Variants in STXBP5L observed in about 807,000 individuals in gnomAD.
STXBP5L encodes syntaxin binding protein 5L.
A neutral mutation model predicts 144.5 loss-of-function variants in STXBP5L; 65 were observed. The ratio of observed to expected loss-of-function variants is 0.45; its 90% CI spans 0.37 to 0.55. STXBP5L has a LOEUF of 0.55. Ranked by LOEUF, STXBP5L falls within the 20% of genes least tolerant of loss-of-function variation. The probability of loss-of-function intolerance (pLI) is 0.00; values close to 1 mark genes in which losing one functional copy is unlikely to be tolerated. For missense variants in STXBP5L, 1,298 were observed against 1,405.5 expected, an observed-to-expected ratio of 0.92 and a Z score of 1.22; for synonymous variants, 505 against 469.6, an observed-to-expected ratio of 1.08 and a Z score of -0.97.
At chr3:121,204,793 A>T (rs929743573) in intron 9 of STXBP5L, among the ~76,000 whole-genome samples, 6 of 152,206 alleles carry the variant, frequency 3.9e-5, no homozygotes, top group Non-Finnish European at 7.4e-5. Flanking sequence ...ATGAGAAAGA[A>T]TTAAACTGAA....
chr3:121,134,157 G>C (rs903461555), intron 7 of STXBP5L, among the ~76,000 whole-genome samples: 1 of 152,136 alleles, frequency 6.6e-6, no homozygotes, highest in Non-Finnish European at 1.5e-5. Context: ...AAGGCATTTG[G>C]TGAGAACCTT....
chr3:121,257,274 T>C lies in STXBP5L; in HGVS notation c.1773T>C (p.Ser591=). Residue 591 remains serine (S), a synonymous_variant, in exon 17 of 27, where the codon TCT becomes TCC. Transcript: ENST00000471454. ...SAQLPSSRSL[S]GSTNTVASEG... Reference sequence around the variant, plus strand: ...AGCTTCCTTCTTCAAGGAGTCTTTCTGGGAGCACTAACACTGTTGCTAGTG... The same window carrying C: ...AGCTTCCTTCTTCAAGGAGTCTTTCCGGGAGCACTAACACTGTTGCTAGTG... 1 of 1,613,866 alleles carries C rather than the reference T, an allele frequency of 6.2e-7. No homozygotes were observed. Among genetic ancestry groups the C allele is most frequent in the East Asian group, 2.2e-5 (1 of 44,868 alleles).
intron 20 of STXBP5L, among the ~76,000 whole-genome samples, chr3:121,349,633 G>C (rs1327460309): frequency 6.6e-6 from 1 of 152,028 alleles, no homozygotes; most frequent in East Asian, 1.9e-4. Context: ...TTATGAATCT[G>C]GGTACCCCTG....
intron 22 of STXBP5L, among the ~76,000 whole-genome samples, chr3:121,384,943 T>G (rs1477089277): frequency 6.6e-6 from 1 of 152,046 alleles, no homozygotes; most frequent in Non-Finnish European, 1.5e-5. Flanking sequence ...CTTAACTCTT[T>G]ATGCTGCCAA....
In STXBP5L at chr3:121,133,960, C is replaced by T. The variant is rs971676760; in HGVS notation, c.669+12256C>T. 5.3e-5 allele frequency among the ~76,000 whole-genome samples: 8 copies of T among 152,138 alleles called. No individual in the cohort carries two copies. The East Asian group carries it at 1.3e-3, about 26-fold the overall frequency. On this transcript the variant is annotated intron_variant, in intron 7 of 26. Transcript: ENST00000471454. Reference sequence around the variant, plus strand: ...ATGATCCAGTCACCTGCCACCAGTTCCCAACCTTGACACATGGTGATTACA... The same window carrying T: ...ATGATCCAGTCACCTGCCACCAGTTTCCAACCTTGACACATGGTGATTACA...
Position 121,381,308 on chromosome 3 carries a change from C to A in STXBP5L, c.2363C>A (p.Ser788Tyr). ...PVTTEENREN[S>Y]YNRSRSSSIS... ...ATTTCCATAGAAAACCGAGAAAATT[C>A]CTATAATCGTTCTAGAAGCTCTAGT... The change falls in exon 22 of 27, where the codon TCC becomes TAC. Residue 788 changes from serine to tyrosine, a missense_variant. Physicochemically the swap from Ser to Tyr is moderately radical, Grantham distance 144. Coordinates refer to ENST00000471454, the MANE Select transcript of STXBP5L (RefSeq NM_001308330.2). The A allele has an allele frequency of 6.3e-7, 1 of 1,580,216 alleles. No homozygotes were observed. Among genetic ancestry groups the A allele is most frequent in the Non-Finnish European group, 8.5e-7 (1 of 1,170,180 alleles).
chr3:121,080,954 GT>G (rs1560102872), intron 5 of STXBP5L, among the ~76,000 whole-genome samples: 3 of 152,110 alleles, frequency 2.0e-5, no homozygotes, highest in African/African-American at 4.8e-5. Context: ...CTTCAGATAT[GT>G]TTCCCAAAAT....
At chr3:121,107,582 G>C (rs1039923698) in intron 5 of STXBP5L, among the ~76,000 whole-genome samples, 7 of 151,448 alleles carry the variant, frequency 4.6e-5, no homozygotes, top group Admixed American at 6.6e-5. Flanking sequence ...TGTCTGTTTT[G>C]GTACCAGTAC....
At chr3:121,317,821 A>G (rs567466519) in intron 19 of STXBP5L, among the ~76,000 whole-genome samples, 2 of 152,246 alleles carry the variant, frequency 1.3e-5, no homozygotes, top group East Asian at 3.9e-4. Context: ...AGTGCTTATT[A>G]TAAGGAATTT....
intron 3 of STXBP5L, among the ~76,000 whole-genome samples, chr3:120,972,708 T>G (rs1347159158): frequency 6.6e-6 from 1 of 152,050 alleles, no homozygotes; most frequent in Non-Finnish European, 1.5e-5. Flanking sequence ...GTGGATTTGT[T>G]GTATACAGCT....
In STXBP5L at chr3:121,088,477, CTT is replaced by C. The variant is rs1364512403; in HGVS notation, c.471-26445_471-26444del. Among the ~76,000 whole-genome samples the C allele has an allele frequency of 4.8e-3, 356 of 74,122 alleles. 1 individual carries two copies. The highest frequency in any genetic ancestry group is 0.018 in the African/African-American group (339 of 18,552). The allele number at this position is 74,122 out of a possible 152,430, so 48.6% of individuals were successfully genotyped here. A position where few individuals can be genotyped will look rare whatever the true frequency, so the allele number is the denominator to read the frequency against. ...GAGAGGATGTGGAGAAATAGGAACA[CTT>C]TTACACTGTTGGTGGGACTGTAAAC... On this transcript the variant is annotated intron_variant, in intron 5 of 26. Coordinates refer to ENST00000471454, the MANE Select transcript of STXBP5L (RefSeq NM_001308330.2).
At chr3:121,097,234 A>C (rs1192620835) in intron 5 of STXBP5L, among the ~76,000 whole-genome samples, 2 of 152,218 alleles carry the variant, frequency 1.3e-5, no homozygotes, top group Non-Finnish European at 2.9e-5. Flanking sequence ...GTTGGCAGTG[A>C]GAATTTCAAG....
intron 9 of STXBP5L, among the ~76,000 whole-genome samples, chr3:121,193,616 T>G (rs968126227): frequency 5.3e-5 from 8 of 152,154 alleles, no homozygotes; most frequent in African/African-American, 1.9e-4. Context: ...ATGTGGCACA[T>G]ATACACCATG....
At chr3:121,065,069 GA>G (rs201240812) in intron 5 of STXBP5L, among the ~76,000 whole-genome samples, 5 of 112,780 alleles carry the variant, frequency 4.4e-5, no homozygotes, top group Admixed American at 1.0e-4. Context: ...CAAAGGTTGT[GA>G]TTTTTTTTTT....
At chr3:120,954,826 CT>C (rs142292885) in intron 2 of STXBP5L, 113 bp from the exon 3 acceptor site, 92,269 of 659,934 alleles carry the variant, frequency 0.14, 5,531 homozygotes, top group Middle Eastern at 0.15. Flanking sequence ...TTGGTGGTAG[CT>C]TTTTTTTTTC....
chr3:121,030,334 G>T (rs548377775), intron 3 of STXBP5L, among the ~76,000 whole-genome samples: 11 of 152,236 alleles, frequency 7.2e-5, no homozygotes, highest in Middle Eastern at 3.4e-3. Context: ...ATATACCATG[G>T]AATATTATAC....
At chr3:121,391,301 GC>G (rs1560049387) in intron 22 of STXBP5L, among the ~76,000 whole-genome samples, 6 of 152,060 alleles carry the variant, frequency 3.9e-5, no homozygotes, top group Admixed American at 3.9e-4. Context: ...CTTTTTTCAA[GC>G]TTTTTACCTT....
In STXBP5L at chr3:121,126,513, T is replaced by A. The variant is rs573044452; in HGVS notation, c.669+4809T>A. Among the ~76,000 whole-genome samples, 4 of 152,306 alleles carry A rather than the reference T, an allele frequency of 2.6e-5. No individual in the cohort carries two copies. The South Asian group carries it at 8.3e-4, about 32-fold the overall frequency. ...TTCCATGCAGTGACATCACAGTTAC[T>A]TTAAAAATGTTCTTCTGTGATTAGG... On this transcript the variant is annotated intron_variant, in intron 7 of 26. Coordinates refer to ENST00000471454, the MANE Select transcript of STXBP5L (RefSeq NM_001308330.2).
intron 3 of STXBP5L, among the ~76,000 whole-genome samples, chr3:120,973,678 T>G (rs1356342719): frequency 1.3e-5 from 2 of 152,082 alleles, no homozygotes; most frequent in Non-Finnish European, 2.9e-5. Flanking sequence ...AATCTCCTAA[T>G]GCTATCCCTC....
Sources: allele counts gnomAD v4.1 joint callset (sites outside exome capture counted in the v4.1 genomes callset), GRCh38; gene constraint gnomAD v4.1.1; transcripts MANE v1.5; gene names NCBI Gene and HGNC (gene_info 2026-07-23, HGNC 2026-07-21).